VPS13D: variants seen among roughly 807,000 people sequenced by gnomAD.
VPS13D encodes the protein vacuolar protein sorting 13 homolog D.
In VPS13D, 187 loss-of-function variants were observed where a neutral mutation model predicts 461.9. That is an observed-to-expected ratio of 0.40 (90% confidence interval 0.36 to 0.46). The LOEUF (loss-of-function observed/expected upper bound fraction) is 0.46, where lower values mean the gene tolerates loss of function less well. Among genes scored for constraint, VPS13D ranks in the 20% least tolerant of loss-of-function variants. The pLI is 0.60. For missense variants in VPS13D, 4,711 were observed against 5,364.9 expected (o/e 0.88, Z 3.81); for synonymous variants, 1,951 against 1,986.3 (o/e 0.98, Z 0.47).
At chr1:12,321,185 T>G (rs966239051) in intron 32 of VPS13D, among the ~76,000 whole-genome samples, 1 of 152,230 alleles carries the variant, frequency 6.6e-6, no homozygotes, top group African/African-American at 2.4e-5. Flanking sequence ...TTCAAACATA[T>G]ACAAAGTAAA....
In VPS13D at chr1:12,362,776, G is replaced by A. The variant is rs1416190244; in HGVS notation, c.10198G>A (p.Ala3400Thr). 2 of 1,614,172 alleles carry A rather than the reference G, an allele frequency of 1.2e-6. No individual in the cohort carries two copies. The highest frequency in any genetic ancestry group is 1.7e-6 in the Non-Finnish European group (2 of 1,180,022). ...RYIDTCMVIFAPRYLLDNKSS... is the reference protein window; with the variant it reads ...RYIDTCMVIFTPRYLLDNKSS... ...CATTGATACCTGCATGGTCATCTTT[G>A]CCCCCCGTTACCTGTTAGATAATAA... The change falls in exon 51 of 70, where the codon GCC (alanine) becomes ACC (threonine). Residue 3400 changes from alanine (A) to threonine (T), a missense_variant. Coordinates refer to ENST00000620676, the MANE Select transcript of VPS13D (RefSeq NM_015378.4).
chr1:12,351,334 AG>A (rs1332692952), intron 46 of VPS13D, among the ~76,000 whole-genome samples: 1 of 152,204 alleles, frequency 6.6e-6, no homozygotes, highest in Non-Finnish European at 1.5e-5. Flanking sequence ...CTTGTCACCC[AG>A]GCTGGAGTGC....
At chr1:12,312,192 T>G (rs769057910) in intron 29 of VPS13D, among the ~76,000 whole-genome samples, 1 of 152,162 alleles carries the variant, frequency 6.6e-6, no homozygotes, top group Non-Finnish European at 1.5e-5. Context: ...TCCCTCATAC[T>G]CTGTGACCAT....
At chr1:12,361,063 A>G (rs1441161383) in intron 50 of VPS13D, among the ~76,000 whole-genome samples, 1 of 152,190 alleles carries the variant, frequency 6.6e-6, no homozygotes, top group African/African-American at 2.4e-5. Context: ...GCTGCGTGAC[A>G]TAGAGTCAGT....
At chr1:12,266,166 A>G (rs1181047795) in intron 13 of VPS13D, among the ~76,000 whole-genome samples, 1 of 152,220 alleles carries the variant, frequency 6.6e-6, no homozygotes, top group Non-Finnish European at 1.5e-5. Flanking sequence ...CCTTGTCTCA[A>G]AAAAGAAAAC....
chr1:12,388,975 A>G (rs1197258740), intron 60 of VPS13D, among the ~76,000 whole-genome samples: 1 of 152,202 alleles, frequency 6.6e-6, no homozygotes, highest in Non-Finnish European at 1.5e-5. Context: ...TTAGAGGGAC[A>G]GAACTAAAAG....
chr1:12,322,434 G>T, intron 33 of VPS13D, 102 bp from the exon 34 acceptor site: 1 of 1,162,656 alleles, frequency 8.6e-7, no homozygotes, highest in South Asian at 1.5e-5. Flanking sequence ...TGCAGTATCT[G>T]TTGGACTTTT....
chr1:12,503,544 A>G lies in VPS13D; in HGVS notation c.12795-3309A>G, dbSNP rs186238558. 9.2e-3 allele frequency among the ~76,000 whole-genome samples: 1,394 copies of G among 152,338 alleles called. 13 individuals are homozygous for G. Among genetic ancestry groups the G allele is most frequent in the Middle Eastern group, 0.031 (9 of 294 alleles). Reference sequence around the variant, plus strand: ...AGTATAAAAATCCTATTTTTTAAATAGAATCAATTATAGTATCTACAGCAA... The same window carrying G: ...AGTATAAAAATCCTATTTTTTAAATGGAATCAATTATAGTATCTACAGCAA... On this transcript the variant is annotated intron_variant, in intron 68 of 69. Transcript: ENST00000620676.
Position 12,311,928 on chromosome 1 carries a change from A to G in VPS13D, c.6935+3A>G, listed in dbSNP as rs1379180144. ...GAAGGTGCTGGGTCCCTAGCCAGGT[A>G]TGCCTTTGATTATATTATTATACTG... is the stretch of plus-strand genomic sequence containing the variant. On this transcript the variant is annotated splice_donor_region_variant and intron_variant, in intron 29 of 69. Transcript: ENST00000620676. The G allele has an allele frequency of 1.9e-6, 3 of 1,606,056 alleles. No individual in the cohort carries two copies. Among genetic ancestry groups the G allele is most frequent in the Non-Finnish European group, 2.6e-6 (3 of 1,173,300 alleles).
intron 46 of VPS13D, 118 bp downstream of exon 46, chr1:12,349,492 A>G (rs1557725297): frequency 1.9e-6 from 2 of 1,038,952 alleles, no homozygotes; most frequent in East Asian, 2.5e-5. Context: ...TTTAAACTCT[A>G]AAGTTCTTAT....
chr1:12,506,790 G>A, intron 68 of VPS13D, 63 bp from the exon 69 acceptor site: 3 of 1,577,952 alleles, frequency 1.9e-6, no homozygotes, highest in South Asian at 1.2e-5. Context: ...CCCGCAGTGG[G>A]CCTCCCCCTG....
chr1:12,475,559 G>A (rs551301595), intron 67 of VPS13D, among the ~76,000 whole-genome samples: 1 of 152,336 alleles, frequency 6.6e-6, no homozygotes, highest in East Asian at 1.9e-4. Context: ...AGTATTCTTT[G>A]GCAGGTTGTG....
At chr1:12,385,439 AT>A in intron 59 of VPS13D, 66 bp downstream of exon 59, 1 of 1,265,862 alleles carries the variant, frequency 7.9e-7, no homozygotes, top group Non-Finnish European at 1.1e-6. Flanking sequence ...ACTTGGTGGT[AT>A]TTTAGACCTT....
Position 12,268,728 on chromosome 1 carries a change from T to G in VPS13D, c.1824T>G (p.Val608=). 1 of 1,613,598 alleles carries G rather than the reference T, an allele frequency of 6.2e-7. No individual in the cohort carries two copies. Among genetic ancestry groups the G allele is most frequent in the Non-Finnish European group, 8.5e-7 (1 of 1,179,826 alleles). ...TAGCTGCAGATCCAGATGGCCCCGT[T>G]TTTGAGATGCTGTATGAGAGAAATC... is the stretch of plus-strand genomic sequence containing the variant. ...HYPAADPDGP[V]FEMLYERNPA... Residue 608 remains valine (V), a synonymous_variant, in exon 16 of 70, where the codon GTT becomes GTG. Coordinates refer to ENST00000620676, the MANE Select transcript of VPS13D (RefSeq NM_015378.4).
intron 65 of VPS13D, among the ~76,000 whole-genome samples, chr1:12,447,529 A>C (rs944171656): frequency 6.6e-6 from 1 of 152,156 alleles, no homozygotes; most frequent in Non-Finnish European, 1.5e-5. Flanking sequence ...GTTTGCCCTT[A>C]CCTACTCTGC....
chr1:12,311,676 T>C (rs1286691813), intron 28 of VPS13D, 51 bp downstream of exon 28: 1 of 1,605,130 alleles, frequency 6.2e-7, no homozygotes, highest in Admixed American at 1.7e-5. Flanking sequence ...CAGCTGACGG[T>C]CACCCTGTGT....
chr1:12,253,411 C>A (rs931689930), intron 6 of VPS13D, among the ~76,000 whole-genome samples: 1 of 152,176 alleles, frequency 6.6e-6, no homozygotes, highest in African/African-American at 2.4e-5. Flanking sequence ...CCTACCCGAC[C>A]ATTTGCCTGA....
At chr1:12,312,538 G>A (rs1642782520) in intron 29 of VPS13D, among the ~76,000 whole-genome samples, 1 of 152,162 alleles carries the variant, frequency 6.6e-6, no homozygotes, top group African/African-American at 2.4e-5. Context: ...AAGGAGGATT[G>A]CTTGAGGCCA....
At chr1:12,274,808 C>T (rs543393546) in intron 18 of VPS13D, among the ~76,000 whole-genome samples, 147 of 152,016 alleles carry the variant, frequency 9.7e-4, no homozygotes, top group Admixed American at 2.2e-3. Flanking sequence ...GATGCTGGGC[C>T]GTGGTGGCTC....
Sources: gnomAD v4.1 joint callset for allele counts (sites outside exome capture counted in the v4.1 genomes callset) on GRCh38, gnomAD v4.1.1 for gene constraint, MANE v1.5 for transcripts, NCBI Gene and HGNC (gene_info 2026-07-23, HGNC 2026-07-21) for gene names.